The following FBXW8 variants were observed in gnomAD, a reference collection of about 807,000 sequenced individuals.
The protein encoded by FBXW8 is F-box/WD repeat-containing protein 8.
In FBXW8, 57 loss-of-function variants were observed where a neutral mutation model predicts 65.3. That is an observed-to-expected ratio of 0.87 (90% CI 0.71 to 1.09). The LOEUF is 1.09. Ranked by LOEUF, FBXW8 falls within the 50% of genes least tolerant of loss-of-function variation. FBXW8 has a pLI of 0.00. For synonymous variants in FBXW8, 308 were observed against 330.2 expected, an observed-to-expected ratio of 0.93 and a Z score of 0.73; for missense variants, 777 against 814.8, an observed-to-expected ratio of 0.95 and a Z score of 0.57.
chr12:116,993,978 A>C (rs1005532842), intron 7 of FBXW8, among the ~76,000 whole-genome samples: 3 of 152,146 alleles, frequency 2.0e-5, no homozygotes, highest in African/African-American at 7.2e-5. Context: ...CATTTATTGA[A>C]TTGGGTGTCC....
chr12:116,922,462 C>T (rs1198058058), intron 1 of FBXW8, among the ~76,000 whole-genome samples: 1 of 152,198 alleles, frequency 6.6e-6, no homozygotes, highest in Non-Finnish European at 1.5e-5. Flanking sequence ...CTTAAACCAC[C>T]ACCCAGAGAG....
intron 3 of FBXW8, 40 bp from the exon 4 acceptor site, chr12:116,949,578 C>G (rs372725345): frequency 1.3e-6 from 2 of 1,587,866 alleles, no homozygotes; most frequent in Non-Finnish European, 1.7e-6. Flanking sequence ...CGGGCTGTCC[C>G]GAGAGCAGTC....
intron 1 of FBXW8, among the ~76,000 whole-genome samples, chr12:116,923,857 A>T (rs1881106146): frequency 6.6e-6 from 1 of 152,150 alleles, no homozygotes; most frequent in Admixed American, 6.5e-5. Flanking sequence ...AGTAACTGGG[A>T]CTACAGGCGC....
intron 2 of FBXW8, among the ~76,000 whole-genome samples, chr12:116,944,931 T>C (rs1365737354): frequency 1.3e-5 from 2 of 152,254 alleles, no homozygotes; most frequent in Non-Finnish European, 2.9e-5. Context: ...TAGGTAATTT[T>C]ATGACAGCCT....
intron 2 of FBXW8, among the ~76,000 whole-genome samples, chr12:116,930,753 C>T (rs10774892): frequency 0.77 from 116,926 of 152,138 alleles, 46,366 homozygotes; most frequent in Non-Finnish European, 0.86. Flanking sequence ...AGTTTCTTTC[C>T]CATAGTTTTA....
chr12:116,965,769 A>G lies in FBXW8; in HGVS notation c.835+915A>G, dbSNP rs146986276. 1.6e-3 allele frequency among the ~76,000 whole-genome samples: 237 copies of G among 152,124 alleles called. 2 individuals carry two copies. The highest frequency in any genetic ancestry group is 5.6e-3 in the African/African-American group (232 of 41,502). On this transcript the variant is annotated intron_variant, in intron 5 of 10. Coordinates refer to ENST00000652555, the MANE Select transcript of FBXW8 (RefSeq NM_153348.3). ...GCTGAGATCTTACATACATACCTATATATATTTGAGACAGGGTCTCACTTT... is the reference window on the plus strand; with the variant it reads ...GCTGAGATCTTACATACATACCTATGTATATTTGAGACAGGGTCTCACTTT...
chr12:117,020,126 G>A (rs903925596), intron 8 of FBXW8, among the ~76,000 whole-genome samples: 4 of 152,134 alleles, frequency 2.6e-5, no homozygotes, highest in Non-Finnish European at 5.9e-5. Context: ...GTTCTGCCCC[G>A]GGTCCCACTG....
chr12:117,028,455 G>T lies in FBXW8; in HGVS notation c.*283G>T. On this transcript the variant is annotated 3_prime_UTR_variant, in exon 11 of 11. Transcript: ENST00000652555. The surrounding 1 kb of genome is among the most constrained non-coding windows in gnomAD (Gnocchi z 4.1). ...CCTCAGCTCCCTCAGGACGCCTCAG[G>T]GATCTCGCTGCGCGGTCCTATACGG... is the stretch of plus-strand genomic sequence containing the variant. The T allele has an allele frequency of 4.2e-6, 2 of 474,904 alleles. No homozygotes were observed. The highest frequency in any genetic ancestry group is 3.9e-6 in the Non-Finnish European group (1 of 258,900). The allele number at this position is 474,904 out of a possible 1,614,324, so 29.4% of individuals were successfully genotyped here.
chr12:116,939,729 G>A (rs1882426173), intron 2 of FBXW8, among the ~76,000 whole-genome samples: 1 of 152,136 alleles, frequency 6.6e-6, no homozygotes, highest in Admixed American at 6.5e-5. Context: ...ACCTGTAAAG[G>A]TCTTTATATG....
At chr12:117,018,232 T>G (rs1267339900) in intron 8 of FBXW8, among the ~76,000 whole-genome samples, 1 of 152,144 alleles carries the variant, frequency 6.6e-6, no homozygotes, top group African/African-American at 2.4e-5. Context: ...GTTGGAACTG[T>G]CCTCCAAGCC....
At chr12:117,001,001 G>C (rs969688007) in intron 7 of FBXW8, among the ~76,000 whole-genome samples, 1 of 152,028 alleles carries the variant, frequency 6.6e-6, no homozygotes, top group Admixed American at 6.6e-5. Flanking sequence ...TTAAGCCTCA[G>C]TTTCTTGATG....
chr12:116,979,971 C>T (rs1565924252), intron 5 of FBXW8, among the ~76,000 whole-genome samples: 1 of 152,054 alleles, frequency 6.6e-6, no homozygotes, highest in Non-Finnish European at 1.5e-5. Context: ...TCCAGGTGGG[C>T]ATGTTCATAG....
chr12:116,959,505 C>T (rs1164213171), intron 4 of FBXW8, among the ~76,000 whole-genome samples: 4 of 152,116 alleles, frequency 2.6e-5, no homozygotes, highest in Non-Finnish European at 5.9e-5. Context: ...AAACAACCCC[C>T]CAGCTTGCTA....
chr12:116,984,475 G>A (rs537726652), intron 5 of FBXW8, among the ~76,000 whole-genome samples: 2 of 152,330 alleles, frequency 1.3e-5, no homozygotes, highest in African/African-American at 4.8e-5. Flanking sequence ...TTTTAGAGCT[G>A]TGCAAAATAA....
chr12:117,022,615 A>T (rs1223554712), intron 8 of FBXW8, among the ~76,000 whole-genome samples: 1 of 152,228 alleles, frequency 6.6e-6, no homozygotes, highest in Non-Finnish European at 1.5e-5. Flanking sequence ...TGATGGTGCC[A>T]CTACACTCCA....
rs1364464603 is a variant in FBXW8 at position 116,911,313 on chromosome 12, CG to C, written c.281del (p.Gly94AlafsTer13). On this transcript the variant is annotated frameshift_variant, in exon 1 of 11. Transcript: ENST00000652555. LOFTEE classifies it high-confidence loss of function. ...SRSPLAREGA[G>X]GGEQLVDQLI... ...GTTCTCCTCTGGCCCGCGAGGGCGC[CG>C]GGGGCGGGGAGCAGCTGGTGGACCA... 7.8e-6 allele frequency: 10 copies of C among 1,284,190 alleles called. No individual in the cohort carries two copies. The highest frequency in any genetic ancestry group is 5.2e-5 in the South Asian group (2 of 38,266). 79.5% of individuals were successfully genotyped at this position (1,284,190 alleles called of 1,614,324 possible).
chr12:116,953,785 CAAAAA>C (rs367968918), intron 4 of FBXW8, among the ~76,000 whole-genome samples: 1 of 143,162 alleles, frequency 7.0e-6, no homozygotes. Flanking sequence ...AAAAAAAAGA[CAAAAA>C]AACAAAACAA....
chr12:116,911,127 G>A lies in FBXW8; in HGVS notation c.90G>A (p.Glu30=). The part of the protein sequence containing the change: ...AQAPKKRRRP[E]AAERRARRPE... ...CGCCGAAGAAGCGGCGACGGCCCGA[G>A]GCTGCCGAGAGGCGGGCTCGGCGGC... Residue 30 remains glutamate, a synonymous_variant, in exon 1 of 11, where the codon GAG becomes GAA. Transcript: ENST00000652555. The A allele has an allele frequency of 7.3e-7, 1 of 1,378,516 alleles. No homozygotes were observed. The highest frequency in any genetic ancestry group is 9.3e-7 in the Non-Finnish European group (1 of 1,076,856). The allele number at this position is 1,378,516 out of a possible 1,614,324, so 85.4% of individuals were successfully genotyped here. A position where few individuals can be genotyped will look rare whatever the true frequency, so the allele number is the denominator to read the frequency against.
At chr12:116,943,046 A>C (rs1169922203) in intron 2 of FBXW8, among the ~76,000 whole-genome samples, 2 of 151,992 alleles carry the variant, frequency 1.3e-5, no homozygotes, top group Non-Finnish European at 2.9e-5. Flanking sequence ...CTAGTTTTTT[A>C]ACAGATAATT....
Sources: gnomAD v4.1 joint callset for allele counts (sites outside exome capture counted in the v4.1 genomes callset) on GRCh38, gnomAD v4.1.1 for gene constraint, Gnocchi (gnomAD v3.1) non-coding constraint, MANE v1.5 for transcripts, NCBI Gene and HGNC (gene_info 2026-07-23, HGNC 2026-07-21) for gene names.